Variants in TCFL5 observed in about 807,000 individuals in gnomAD.
The protein encoded by TCFL5 is transcription factor-like 5 protein.
In TCFL5, 9 loss-of-function variants were observed where a neutral mutation model predicts 44.3. The observed-to-expected ratio is 0.20, with a 90% confidence interval of 0.12 to 0.35. The LOEUF (loss-of-function observed/expected upper bound fraction) is 0.35. TCFL5 is among the 10% of genes least tolerant of loss of function. TCFL5 has a pLI of 1.00. For missense variants in TCFL5, 603 were observed against 613.4 expected (o/e 0.98, Z 0.18); for synonymous variants, 319 against 271.6 (o/e 1.17, Z -1.72).
At chr20:62,859,224 CCT>C (rs1398729734) in intron 3 of TCFL5, 138 bp downstream of exon 3, 69 of 728,392 alleles carry the variant, frequency 9.5e-5, no homozygotes, top group Non-Finnish European at 1.4e-4. Flanking sequence ...TGGACAGACC[CCT>C]GAGATACACA....
intron 4 of TCFL5, among the ~76,000 whole-genome samples, chr20:62,856,196 G>A (rs2063886203): frequency 7.0e-6 from 1 of 142,918 alleles, no homozygotes; most frequent in South Asian, 2.2e-4. Context: ...GTTGCAGTGA[G>A]CCGAGATCAT....
intron 5 of TCFL5, among the ~76,000 whole-genome samples, chr20:62,848,077 C>T (rs1006520185): frequency 6.6e-6 from 1 of 152,294 alleles, no homozygotes; most frequent in African/African-American, 2.4e-5. Context: ...ACAGCGTGTC[C>T]GCAGGAAAGG....
chr20:62,852,541 G>T (rs748186549), intron 5 of TCFL5: 53 of 985,354 alleles, frequency 5.4e-5, no homozygotes, highest in Non-Finnish European at 5.8e-5. Context: ...GCAGGCCACT[G>T]CCACGACCAC....
chr20:62,854,964 T>TAGAG (rs2063865680), intron 4 of TCFL5, among the ~76,000 whole-genome samples: 1 of 152,158 alleles, frequency 6.6e-6, no homozygotes, highest in Non-Finnish European at 1.5e-5. Flanking sequence ...TAACCACAAG[T>TAGAG]CTACGCAGTA....
intron 5 of TCFL5, among the ~76,000 whole-genome samples, chr20:62,844,569 TTGTTTG>T (rs1261387802): frequency 8.6e-5 from 12 of 140,058 alleles, no homozygotes; most frequent in Non-Finnish European, 1.3e-4. Flanking sequence ...CTGTTTTTTT[TTGTTTG>T]TTTTTTGTTT....
chr20:62,844,246 G>GT (rs757567614), intron 5 of TCFL5, among the ~76,000 whole-genome samples: 54 of 152,152 alleles, frequency 3.5e-4, no homozygotes, highest in Non-Finnish European at 5.0e-4. Context: ...TTTTGCTTTT[G>GT]TTTTTGTTTT....
At position 62,860,191 on chromosome 20, in the gene TCFL5, A is replaced by G; in HGVS notation, c.765T>C (p.Phe255=). 3 of 1,613,936 alleles carry G rather than the reference A, an allele frequency of 1.9e-6. No homozygotes were observed. The highest frequency in any genetic ancestry group is 2.5e-6 in the Non-Finnish European group (3 of 1,179,814). The change falls in exon 2 of 6, where the codon TTT becomes TTC. Residue 255 remains phenylalanine, a synonymous_variant. Transcript: ENST00000335351. The part of the protein sequence containing the change: ...KTAATTTALQ[F]TYPLFTTNAC... ...CATTTGTAGTAAACAGTGGGTATGT[A>G]AATTGCAAAGCAGTAGTTGTAGCCG...
At chr20:62,845,338 G>T (rs2063727161) in intron 5 of TCFL5, 1 of 1,051,586 alleles carries the variant, frequency 9.5e-7, no homozygotes, top group South Asian at 2.0e-5. Context: ...GGCCAGGCTG[G>T]TCTCGAACTC....
chr20:62,857,203 G>C (rs2063907117), intron 4 of TCFL5, among the ~76,000 whole-genome samples, 192 bp downstream of exon 4: 1 of 152,200 alleles, frequency 6.6e-6, no homozygotes, highest in Non-Finnish European at 1.5e-5. Flanking sequence ...AGTCCCGGGA[G>C]TCCTCCTAGT....
chr20:62,844,550 A>AT (rs1364744966), intron 5 of TCFL5, among the ~76,000 whole-genome samples: 4 of 132,248 alleles, frequency 3.0e-5, no homozygotes, highest in Admixed American at 2.2e-4. Flanking sequence ...GGCTTTCAAC[A>AT]TTTTTTTTCT....
intron 5 of TCFL5, chr20:62,845,524 T>C (rs2063730358): frequency 6.9e-7 from 1 of 1,440,132 alleles, no homozygotes; most frequent in African/African-American, 1.4e-5. Flanking sequence ...TAAAAAACAC[T>C]TGCCTATTTG....
At chr20:62,846,563 G>A (rs572405541) in intron 5 of TCFL5, among the ~76,000 whole-genome samples, 3 of 152,240 alleles carry the variant, frequency 2.0e-5, no homozygotes, top group South Asian at 2.1e-4. Context: ...AGATGACAAC[G>A]TCCCAAAGCA....
At chr20:62,859,910 T>C (rs1322669856) in intron 2 of TCFL5, among the ~76,000 whole-genome samples, 2 of 152,054 alleles carry the variant, frequency 1.3e-5, no homozygotes, top group East Asian at 1.9e-4. Context: ...GGTTTCACCA[T>C]GTTGGCCAGG....
At chr20:62,847,176 C>G (rs1277676159) in intron 5 of TCFL5, among the ~76,000 whole-genome samples, 1 of 130,510 alleles carries the variant, frequency 7.7e-6, no homozygotes, top group Non-Finnish European at 1.6e-5. Flanking sequence ...AGTGAAACTT[C>G]ATCTCAAAAA....
intron 5 of TCFL5, among the ~76,000 whole-genome samples, chr20:62,847,558 C>T (rs930000940): frequency 7.2e-5 from 11 of 152,312 alleles, no homozygotes; most frequent in Admixed American, 3.3e-4. Flanking sequence ...GAGGCATAAA[C>T]TCATTAGGAC....
At chr20:62,849,562 G>A (rs1438338452) in intron 5 of TCFL5, among the ~76,000 whole-genome samples, 1 of 151,746 alleles carries the variant, frequency 6.6e-6, no homozygotes, top group Non-Finnish European at 1.5e-5. Context: ...AGCTATGAAA[G>A]TCATTTTTAG....
At chr20:62,856,776 C>CCAAAACAG (rs200021628) in intron 4 of TCFL5, among the ~76,000 whole-genome samples, 5,086 of 151,298 alleles carry the variant, frequency 0.034, 286 homozygotes, top group African/African-American at 0.11. Flanking sequence ...GCAGCAGTTA[C>CCAAAACAG]CAAAACAGCC....
chr20:62,861,236 G>C lies in TCFL5; in HGVS notation c.435C>G (p.Gly145=), dbSNP rs1431577773. ...SEAGAAEKTS[G]GGDGARARAD... ...CCCGGGCCCTCGCTCCGTCCCCGCC[G>C]CCCGACGTCTTCTCCGCCGCGCCCG... The change falls in exon 1 of 6, where the codon GGC becomes GGG. Residue 145 remains glycine (G), a synonymous_variant. Transcript: ENST00000335351. This position sits in a 1 kb window ranked among gnomAD's most constrained non-coding sequence, Gnocchi z 4.0. 1 of 1,172,998 alleles carries C rather than the reference G, an allele frequency of 8.5e-7. No homozygotes were observed. The highest frequency in any genetic ancestry group is 1.8e-5 in the South Asian group (1 of 56,278). The allele number at this position is 1,172,998 out of a possible 1,614,324, so 72.7% of individuals were successfully genotyped here.
intron 3 of TCFL5, among the ~76,000 whole-genome samples, chr20:62,858,667 A>C (rs2063934374): frequency 6.8e-6 from 1 of 147,720 alleles, no homozygotes; most frequent in African/African-American, 2.6e-5. Context: ...GGGGCTATGC[A>C]GGTGTTTCCC....
Sources: gnomAD v4.1 joint callset for allele counts (sites outside exome capture counted in the v4.1 genomes callset) on GRCh38, gnomAD v4.1.1 for gene constraint, Gnocchi (gnomAD v3.1) non-coding constraint, MANE v1.5 for transcripts, NCBI Gene and HGNC (gene_info 2026-07-23, HGNC 2026-07-21) for gene names.